The following NOCT variants were observed in gnomAD, a reference collection of about 807,000 sequenced individuals.
The protein encoded by NOCT is CCR4 carbon catabolite repression 4-like.
A neutral mutation model predicts 35.0 loss-of-function variants in NOCT; 18 were observed. That is an observed-to-expected ratio of 0.51 (90% CI 0.36 to 0.76). The LOEUF is 0.76. NOCT is among the 30% of genes least tolerant of loss of function. The pLI is 0.01. For missense variants in NOCT, 479 were observed against 541.0 expected (o/e 0.89, Z 1.14); for synonymous variants, 235 against 226.3 (o/e 1.04, Z -0.34).
intron 1 of NOCT, 87 bp from the exon 2 acceptor site, chr4:139,042,987 G>A (rs1253768799): frequency 8.1e-7 from 1 of 1,236,086 alleles, no homozygotes; most frequent in Non-Finnish European, 1.1e-6. Context: ...TGGTTTCGGT[G>A]GACAGTAAAT....
intron 1 of NOCT, among the ~76,000 whole-genome samples, chr4:139,023,131 A>G (rs947167847): frequency 3.3e-5 from 5 of 151,934 alleles, no homozygotes; most frequent in Admixed American, 2.0e-4. Flanking sequence ...GATGCATCCA[A>G]AGTGACAATA....
intron 1 of NOCT, among the ~76,000 whole-genome samples, chr4:139,020,342 G>C (rs1726386140): frequency 6.6e-6 from 1 of 152,162 alleles, no homozygotes; most frequent in African/African-American, 2.4e-5. Context: ...AATTGCAGTG[G>C]GAGTTGAGAA....
chr4:139,045,268 T>C lies in NOCT; in HGVS notation c.1090T>C (p.Trp364Arg). The change falls in exon 3 of 3, where the codon TGG (tryptophan) becomes CGG (arginine). Residue 364 changes from tryptophan (W) to arginine (R), a missense_variant. Physicochemically the swap from Trp to Arg is moderately radical, Grantham distance 101. This residue lies in a region of NOCT where 214 missense variants were observed against 284.0 expected (regional missense o/e 0.75). Transcript: ENST00000280614. ...GCAGTCAGAACCCCCATACACTACCTGGAAGATCCGGACCTCAGGGGAGTG... is the reference window on the plus strand; with the variant it reads ...GCAGTCAGAACCCCCATACACTACCCGGAAGATCCGGACCTCAGGGGAGTG... ...DGQSEPPYTT[W>R]KIRTSGECRH... The C allele has an allele frequency of 1.2e-6, 2 of 1,614,184 alleles. No homozygotes were observed. The highest frequency in any genetic ancestry group is 1.7e-6 in the Non-Finnish European group (2 of 1,180,016).
chr4:139,035,667 T>C (rs1306285991), intron 1 of NOCT, among the ~76,000 whole-genome samples: 1 of 152,202 alleles, frequency 6.6e-6, no homozygotes, highest in Non-Finnish European at 1.5e-5. Context: ...AGTGATATTT[T>C]CAAAATGTCA....
intron 1 of NOCT, among the ~76,000 whole-genome samples, chr4:139,032,267 T>A (rs1482538797): frequency 6.6e-6 from 1 of 151,342 alleles, no homozygotes; most frequent in Non-Finnish European, 1.5e-5. Context: ...GGCAGGGGGA[T>A]GGGGTGATGT....
chr4:139,023,267 C>T (rs1298976520), intron 1 of NOCT, among the ~76,000 whole-genome samples: 1 of 152,164 alleles, frequency 6.6e-6, no homozygotes, highest in Non-Finnish European at 1.5e-5. Flanking sequence ...GCTCTGTTTG[C>T]CGATCTGCAA....
In NOCT at chr4:139,044,891, T is replaced by C. The variant is rs901107852; in HGVS notation, c.713T>C (p.Leu238Ser). 6.2e-7 allele frequency: 1 copy of C among 1,614,182 alleles called. No individual in the cohort carries two copies. ...AACAATGGACCAGATGGTTGTGCCT[T>C]ATTTTTTCTTCAAAACCGATTCAAG... ...EHNNGPDGCA[L>S]FFLQNRFKLV... Residue 238 changes from leucine (L) to serine (S), a missense_variant, in exon 3 of 3, where the codon TTA (leucine) becomes TCA (serine). Physicochemically the swap from Leu to Ser is moderately radical, Grantham distance 145 (BLOSUM62 -2). Coordinates refer to ENST00000280614, the MANE Select transcript of NOCT (RefSeq NM_012118.4).
chr4:139,026,059 C>T (rs964607197), intron 1 of NOCT, among the ~76,000 whole-genome samples: 1 of 152,088 alleles, frequency 6.6e-6, no homozygotes, highest in African/African-American at 2.4e-5. Context: ...TACAAATAGA[C>T]TAGTGGTGAG....
chr4:139,026,091 C>G (rs774519515), intron 1 of NOCT, among the ~76,000 whole-genome samples: 4 of 152,040 alleles, frequency 2.6e-5, no homozygotes, highest in Non-Finnish European at 5.9e-5. Flanking sequence ...TCCAAATGGA[C>G]TATACAATTT....
At chr4:139,019,673 A>G (rs1287736482) in intron 1 of NOCT, among the ~76,000 whole-genome samples, 1 of 152,160 alleles carries the variant, frequency 6.6e-6, no homozygotes, top group East Asian at 1.9e-4. Context: ...AGATAAGTAC[A>G]GTCCCTTTGG....
chr4:139,030,927 C>T (rs1299329755), intron 1 of NOCT, among the ~76,000 whole-genome samples: 1 of 152,294 alleles, frequency 6.6e-6, no homozygotes, highest in East Asian at 1.9e-4. Context: ...GGTTGATCAG[C>T]TTCCATAGCT....
intron 1 of NOCT, among the ~76,000 whole-genome samples, chr4:139,016,642 T>C (rs1179858088): frequency 1.3e-3 from 4 of 3,140 alleles, no homozygotes; most frequent in Admixed American, 9.6e-3. Flanking sequence ...TTTTACGTTG[T>C]TTTTTTTTTT....
chr4:139,029,484 CTCGA>C (rs1726586081), intron 1 of NOCT, among the ~76,000 whole-genome samples: 1 of 152,250 alleles, frequency 6.6e-6, no homozygotes, highest in Non-Finnish European at 1.5e-5. Context: ...AGGCTCAGTA[CTCGA>C]GGCAGGCCTG....
chr4:139,021,266 G>C (rs1726407749), intron 1 of NOCT, among the ~76,000 whole-genome samples: 1 of 151,964 alleles, frequency 6.6e-6, no homozygotes, highest in Admixed American at 6.6e-5. Context: ...CCATCCAAAA[G>C]TGCTGAGATT....
rs371556626 is a variant in NOCT, at chr4:139,043,244, C to T, written c.361C>T (p.Arg121Ter). The T allele has an allele frequency of 5.0e-6, 8 of 1,614,154 alleles. No homozygotes were observed. Among genetic ancestry groups the T allele is most frequent in the East Asian group, 2.2e-5 (1 of 44,874 alleles). ...LEECRAVLHT[R>*]PPRFQRDFVD... is the part of the protein sequence containing the mutation. Reference sequence around the variant, plus strand: ...GGAATGCAGGGCCGTCCTGCACACCCGACCTCCCCGGTTCCAGAGGGATTT... The same window carrying T: ...GGAATGCAGGGCCGTCCTGCACACCTGACCTCCCCGGTTCCAGAGGGATTT... The change falls in exon 2 of 3, where the codon CGA (arginine) becomes TGA (stop). Residue 121 changes from arginine to a stop codon, truncating the protein, a stop_gained. Coordinates refer to ENST00000280614, the MANE Select transcript of NOCT (RefSeq NM_012118.4). LOFTEE classifies it high-confidence loss of function.
At chr4:139,035,845 T>C (rs1168357414) in intron 1 of NOCT, among the ~76,000 whole-genome samples, 3 of 152,098 alleles carry the variant, frequency 2.0e-5, no homozygotes, top group Non-Finnish European at 4.4e-5. Flanking sequence ...ATCCCCTCTG[T>C]TTATCAAGCT....
At position 139,030,636 on chromosome 4, in the gene NOCT, A is replaced by AT. The variant is rs755659108; in HGVS notation, c.191-12437dup. Among the ~76,000 whole-genome samples the AT allele has an allele frequency of 2.0e-5, 3 of 152,338 alleles. No homozygotes were observed. The East Asian group carries it at 5.8e-4, about 29-fold the overall frequency. ...GAATCTTTATTGATTCCTTCAATAT[A>AT]TATTAAATAAATATATTGTATATCC... On this transcript the variant is annotated intron_variant, in intron 1 of 2. Transcript: ENST00000280614.
At chr4:139,028,431 C>T (rs186210503) in intron 1 of NOCT, 3 of 152,426 alleles carry the variant, frequency 2.0e-5, no homozygotes, top group Admixed American at 6.5e-5. Flanking sequence ...GAGTTCTGAC[C>T]TTCACTTGAT....
At chr4:139,036,260 T>C (rs889522658) in intron 1 of NOCT, among the ~76,000 whole-genome samples, 4 of 152,138 alleles carry the variant, frequency 2.6e-5, no homozygotes, top group Non-Finnish European at 5.9e-5. Context: ...TAGAGAGATA[T>C]TTAATTTTTT....
Sources: gnomAD v4.1 joint callset for allele counts (sites outside exome capture counted in the v4.1 genomes callset) on GRCh38, gnomAD v4.1.1 for gene constraint, gnomAD v4.1.1 regional missense constraint, MANE v1.5 for transcripts, NCBI Gene and HGNC (gene_info 2026-07-23, HGNC 2026-07-21) for gene names.